The following PUM3 variants were observed in gnomAD, a reference collection of about 807,000 sequenced individuals.
The protein encoded by PUM3 is pumilio RNA binding family member 3.
In PUM3, 91 loss-of-function variants were observed where a neutral mutation model predicts 84.0. The ratio of observed to expected loss-of-function variants is 1.08; its 90% CI spans 0.91 to 1.29. The LOEUF (loss-of-function observed/expected upper bound fraction) is 1.29. PUM3 is among the 50% of genes most tolerant of loss of function. PUM3 has a pLI of 0.00. For synonymous variants in PUM3, 321 were observed against 266.7 expected (o/e 1.20, Z -1.98); for missense variants, 1,067 against 767.5 (o/e 1.39, Z -4.61).
chr9:2,837,485 A>T, intron 2 of PUM3, 84 bp from the exon 3 acceptor site: 2 of 852,220 alleles, frequency 2.3e-6, no homozygotes, highest in Non-Finnish European at 3.6e-6. Context: ...ACAGAAAATT[A>T]TACTTTTTAA....
chr9:2,824,138 T>A (rs1815743077), intron 11 of PUM3, among the ~76,000 whole-genome samples: 1 of 152,108 alleles, frequency 6.6e-6, no homozygotes, highest in Non-Finnish European at 1.5e-5. Flanking sequence ...GTCTAAACTG[T>A]CCTCAAATGC....
chr9:2,810,299 G>GAATTCCAGT, intron 16 of PUM3, 45 bp downstream of exon 16: 10 of 1,261,408 alleles, frequency 7.9e-6, no homozygotes, highest in Non-Finnish European at 1.2e-5. Flanking sequence ...GGAATTACTG[G>GAATTCCAGT]AATTCCACAT....
chr9:2,837,176 T>C lies in PUM3; in HGVS notation c.304+4A>G, dbSNP rs1563836030. The C allele has an allele frequency of 1.2e-6, 2 of 1,613,408 alleles. No individual in the cohort carries two copies. Among genetic ancestry groups the C allele is most frequent in the South Asian group, 1.1e-5 (1 of 91,062 alleles). On this transcript the variant is annotated splice_donor_region_variant and intron_variant, in intron 3 of 17. Coordinates refer to ENST00000397885, the MANE Select transcript of PUM3 (RefSeq NM_014878.5). ...AGTTCAGGCATGAACGAACCAGTAC[T>C]TACCATCGCTTCTACCATCTGGCTG... is the stretch of plus-strand genomic sequence containing the variant.
intron 10 of PUM3, among the ~76,000 whole-genome samples, chr9:2,826,476 G>C (rs1386083882): frequency 1.3e-5 from 2 of 152,122 alleles, no homozygotes; most frequent in Non-Finnish European, 2.9e-5. Context: ...TGTTAAGTCA[G>C]TCTCATTATT....
At chr9:2,822,706 T>G (rs1174235517) in intron 12 of PUM3, among the ~76,000 whole-genome samples, 4 of 139,814 alleles carry the variant, frequency 2.9e-5, no homozygotes, top group Admixed American at 7.3e-5. Flanking sequence ...ATTATAATTA[T>G]GAATTATATT....
chr9:2,811,411 T>C lies in PUM3; in HGVS notation c.1585A>G (p.Ile529Val), dbSNP rs138884267. 3.6e-5 allele frequency: 58 copies of C among 1,614,044 alleles called. No individual in the cohort carries two copies. In the African/African-American group the frequency reaches 6.8e-4, roughly 19 times the overall value. Reference protein sequence around the residue: ...TGDVQPTMNAIASLAATGLHP... With the variant: ...TGDVQPTMNAVASLAATGLHP... ...AGTCCTGTTGCTGCCAAGCTGGCGA[T>C]GGCATTCATGGTAGGCTGAACGTCT... Residue 529 changes from isoleucine to valine, a missense_variant, in exon 15 of 18, where the codon ATC (isoleucine) becomes GTC (valine). Transcript: ENST00000397885.
chr9:2,827,084 TGG>T lies in PUM3; in HGVS notation c.1022_1023del (p.Pro341GlnfsTer8). ...VFLDFFTYAP[P>X]KLRSEMIEAI... ...AACCAAGAACTTACTGATCTGAGTT[TGG>T]GGGGTGCATAGGTAAAAAAGTCCAA... On this transcript the variant is annotated frameshift_variant, in exon 10 of 18. Coordinates refer to ENST00000397885, the MANE Select transcript of PUM3 (RefSeq NM_014878.5). LOFTEE classifies it high-confidence loss of function. 2.5e-6 allele frequency: 4 copies of T among 1,608,762 alleles called. No individual in the cohort carries two copies. Among genetic ancestry groups the T allele is most frequent in the Non-Finnish European group, 3.4e-6 (4 of 1,178,002 alleles).
intron 1 of PUM3, among the ~76,000 whole-genome samples, chr9:2,841,970 A>C (rs532160596): frequency 6.6e-6 from 1 of 152,292 alleles, no homozygotes; most frequent in African/African-American, 2.4e-5. Flanking sequence ...CACTCTAAAA[A>C]GTCCCCTGGT....
intron 13 of PUM3, among the ~76,000 whole-genome samples, chr9:2,817,478 G>C (rs1447690754): frequency 6.6e-6 from 1 of 152,148 alleles, no homozygotes; most frequent in African/African-American, 2.4e-5. Context: ...TTATAAAAAG[G>C]CTTGCTGACC....
chr9:2,824,707 T>A lies in PUM3; in HGVS notation c.1134+10A>T. On this transcript the variant is annotated intron_variant, in intron 11 of 17. Coordinates refer to ENST00000397885, the MANE Select transcript of PUM3 (RefSeq NM_014878.5). ...GTACAGTTTAAATGCCCAAGTGCTG[T>A]CACACTTACCTTGGGCGTGCCATGC... 6.6e-7 allele frequency: 1 copy of A among 1,514,582 alleles called. No homozygotes were observed. 93.8% of individuals were successfully genotyped at this position (1,514,582 alleles called of 1,614,324 possible). A position where few individuals can be genotyped will look rare whatever the true frequency, so the allele number is the denominator to read the frequency against.
At chr9:2,823,047 T>C (rs1000467686) in intron 12 of PUM3, among the ~76,000 whole-genome samples, 1 of 151,904 alleles carries the variant, frequency 6.6e-6, no homozygotes, top group Non-Finnish European at 1.5e-5. Context: ...CTACATAATT[T>C]TAGTTCATCA....
In PUM3 at chr9:2,812,271, G is replaced by T; in HGVS notation, c.1361C>A (p.Thr454Lys). 1 of 1,612,998 alleles carries T rather than the reference G, an allele frequency of 6.2e-7. No homozygotes were observed. The highest frequency in any genetic ancestry group is 1.1e-5 in the South Asian group (1 of 91,052). Residue 454 changes from threonine to lysine, a missense_variant, in exon 14 of 18, where the codon ACA (threonine) becomes AAA (lysine). Transcript: ENST00000397885. ...YLLSPRDPAH[T>K]VREIIEVLQK... ...CAGAACTTCAATGATTTCTCGTACT[G>T]TATGTGCAGGATCTCTGGGGCTTAG... is the stretch of plus-strand genomic sequence containing the variant.
In PUM3 at chr9:2,812,277, G is replaced by A. The variant is rs753139909; in HGVS notation, c.1355C>T (p.Ala452Val). The change falls in exon 14 of 18, where the codon GCA (alanine) becomes GTA (valine). Residue 452 changes from alanine (A) to valine (V), a missense_variant. Transcript: ENST00000397885. ...TTCAATGATTTCTCGTACTGTATGT[G>A]CAGGATCTCTGGGGCTTAGTAAGTA... Reference protein sequence around the residue: ...LLYLLSPRDPAHTVREIIEVL... With the variant: ...LLYLLSPRDPVHTVREIIEVL... 8 of 1,612,782 alleles carry A rather than the reference G, an allele frequency of 5.0e-6. No individual in the cohort carries two copies. The highest frequency in any genetic ancestry group is 4.4e-5 in the South Asian group (4 of 91,062).
At chr9:2,805,831 C>T (rs1821245750) in intron 17 of PUM3, among the ~76,000 whole-genome samples, 1 of 151,936 alleles carries the variant, frequency 6.6e-6, no homozygotes, top group East Asian at 1.9e-4. Context: ...CCCAGAAAAG[C>T]TGAATAATTT....
chr9:2,818,763 A>C (rs1321172021), intron 13 of PUM3, among the ~76,000 whole-genome samples: 1 of 152,224 alleles, frequency 6.6e-6, no homozygotes. Flanking sequence ...ATCTTAAAAC[A>C]GTCAAGGGTA....
intron 3 of PUM3, among the ~76,000 whole-genome samples, chr9:2,835,102 A>G (rs1022108135): frequency 1.3e-5 from 2 of 152,074 alleles, no homozygotes; most frequent in East Asian, 3.8e-4. Flanking sequence ...TTCTCCATAC[A>G]TGTTTTAATC....
At chr9:2,818,488 T>A (rs1821519101) in intron 13 of PUM3, among the ~76,000 whole-genome samples, 1 of 152,242 alleles carries the variant, frequency 6.6e-6, no homozygotes, top group African/African-American at 2.4e-5. Flanking sequence ...TTGGAACAGC[T>A]ATGCACATTT....
chr9:2,815,337 A>G (rs999937415), intron 13 of PUM3, among the ~76,000 whole-genome samples: 1 of 152,200 alleles, frequency 6.6e-6, no homozygotes, highest in Non-Finnish European at 1.5e-5. Context: ...CACCTTTGAA[A>G]GAGTACTACT....
At chr9:2,839,657 T>C (rs1051473211) in intron 1 of PUM3, among the ~76,000 whole-genome samples, 1 of 152,192 alleles carries the variant, frequency 6.6e-6, no homozygotes, top group African/African-American at 2.4e-5. Context: ...ACTTTTCTAA[T>C]GATTTTGAAA....
Sources: gnomAD v4.1 joint callset for allele counts (sites outside exome capture counted in the v4.1 genomes callset) on GRCh38, gnomAD v4.1.1 for gene constraint, MANE v1.5 for transcripts, NCBI Gene and HGNC (gene_info 2026-07-23, HGNC 2026-07-21) for gene names.